APBA2: variants seen among roughly 807,000 people sequenced by gnomAD.
The protein encoded by APBA2 is amyloid-beta A4 precursor protein-binding family A member 2.
Under a neutral mutation model 75.0 loss-of-function variants are expected in APBA2, and 30 were observed. The observed-to-expected ratio is 0.40, with a 90% CI of 0.30 to 0.54. The LOEUF is 0.54. Among genes scored for constraint, APBA2 ranks in the 20% least tolerant of loss-of-function variants. APBA2 has a pLI of 0.49. For synonymous variants in APBA2, 444 were observed against 409.6 expected (o/e 1.08, Z -1.01); for missense variants, 801 against 1,016.1 (o/e 0.79, Z 2.88).
chr15:29,015,030 A>G (rs947072528), intron 3 of APBA2, among the ~76,000 whole-genome samples: 1 of 151,652 alleles, frequency 6.6e-6, no homozygotes, highest in African/African-American at 2.4e-5. Flanking sequence ...TTTGGTTTCT[A>G]ATGAGGTTGT....
chr15:28,919,840 G>A (rs1052719564), intron 1 of APBA2, among the ~76,000 whole-genome samples: 3 of 152,142 alleles, frequency 2.0e-5, no homozygotes, highest in African/African-American at 4.8e-5. Flanking sequence ...TGGAGGCCCC[G>A]TTTGTCCGTG....
At chr15:29,017,788 G>A (rs762695310) in intron 3 of APBA2, among the ~76,000 whole-genome samples, 15 of 152,112 alleles carry the variant, frequency 9.9e-5, no homozygotes, top group East Asian at 5.8e-4. Context: ...CTATTCTTTC[G>A]TCATTTCTTA....
intron 3 of APBA2, among the ~76,000 whole-genome samples, chr15:29,015,733 A>T (rs1013214054): frequency 1.3e-5 from 2 of 152,192 alleles, no homozygotes; most frequent in African/African-American, 4.8e-5. Flanking sequence ...CTCAGTGACA[A>T]CTGCATCCAA....
chr15:28,975,241 A>G (rs552999522), intron 2 of APBA2, among the ~76,000 whole-genome samples: 25 of 142,246 alleles, frequency 1.8e-4, no homozygotes, highest in South Asian at 4.5e-4. Context: ...ATTCAAATCT[A>G]TATTTTCACA....
At chr15:28,915,861 C>T (rs1595448168) in intron 1 of APBA2, among the ~76,000 whole-genome samples, 1 of 151,148 alleles carries the variant, frequency 6.6e-6, no homozygotes, top group Non-Finnish European at 1.5e-5. Context: ...CACACCACAC[C>T]CTCCAGGACA....
In APBA2 at chr15:29,118,187, TAAG is replaced by T. The variant is rs1333694475; in HGVS notation, c.*1058_*1060del. ...AGGCCTTGAAGAATACACTGTGACTTAAGAAGCCTTACCACGCAGTAACTAAAG... is the reference window on the plus strand; with the variant it reads ...AGGCCTTGAAGAATACACTGTGACTTAAGCCTTACCACGCAGTAACTAAAG... On this transcript the variant is annotated 3_prime_UTR_variant, in exon 15 of 15. Transcript: ENST00000683413. 1.2e-4 allele frequency: 18 copies of T among 152,658 alleles called. No individual in the cohort carries two copies. The highest frequency in any genetic ancestry group is 1.2e-3 in the Admixed American group (18 of 15,286). 9.5% of individuals were successfully genotyped at this position (152,658 alleles called of 1,614,324 possible).
At chr15:29,114,243 C>G (rs2044918651) in intron 14 of APBA2, among the ~76,000 whole-genome samples, 1 of 152,240 alleles carries the variant, frequency 6.6e-6, no homozygotes. Context: ...GCTGGGGGTG[C>G]TCCCTGGACA....
At chr15:29,085,906 A>C (rs904906997) in intron 6 of APBA2, among the ~76,000 whole-genome samples, 9 of 152,120 alleles carry the variant, frequency 5.9e-5, no homozygotes, top group African/African-American at 2.2e-4. Flanking sequence ...TCTATGTGGA[A>C]GGCGCCTCCT....
chr15:28,972,666 CCACCAGGCA>C (rs1271048537), intron 2 of APBA2, among the ~76,000 whole-genome samples: 1 of 152,136 alleles, frequency 6.6e-6, no homozygotes, highest in Non-Finnish European at 1.5e-5. Context: ...AATATTGTGC[CCACCAGGCA>C]CACTTAAAGA....
At chr15:29,034,568 A>G (rs2040649492) in intron 3 of APBA2, among the ~76,000 whole-genome samples, 1 of 152,192 alleles carries the variant, frequency 6.6e-6, no homozygotes, top group African/African-American at 2.4e-5. Flanking sequence ...ACATGAAATG[A>G]AAGTGTTAGG....
intron 13 of APBA2, among the ~76,000 whole-genome samples, chr15:29,111,576 G>A (rs1001714416): frequency 2.0e-5 from 3 of 152,124 alleles, no homozygotes; most frequent in Non-Finnish European, 2.9e-5. Flanking sequence ...TGAGTGGCTC[G>A]GCTGCCTGGC....
intron 4 of APBA2, chr15:29,070,868 G>A (rs1027479516): frequency 5.4e-5 from 18 of 331,002 alleles, no homozygotes; most frequent in Non-Finnish European, 1.1e-4. Flanking sequence ...GAAAACAGGA[G>A]CCGTGAAGGG....
chr15:28,903,130 A>T (rs1397602640), intron 1 of APBA2, among the ~76,000 whole-genome samples: 1 of 152,100 alleles, frequency 6.6e-6, no homozygotes, highest in Non-Finnish European at 1.5e-5. Flanking sequence ...CATGGGTCTG[A>T]TGATGCCGGC....
At chr15:29,038,076 T>G (rs139581494) in intron 3 of APBA2, among the ~76,000 whole-genome samples, 120 of 152,316 alleles carry the variant, frequency 7.9e-4, no homozygotes, top group African/African-American at 2.8e-3. Flanking sequence ...CAGTCCACTC[T>G]CTGGCTGGCA....
In APBA2 at chr15:29,074,925, G is replaced by C; in HGVS notation, c.956G>C (p.Cys319Ser). ...CTTTAACTTCCCCGTTTCCAGGTTT[G>C]CAATGGTCTGGAGCAGCCAAGGAAG... ...ERLKWPHEQVCNGLEQPRKQQ... is the reference protein window; with the variant it reads ...ERLKWPHEQVSNGLEQPRKQQ... The change falls in exon 5 of 15, where the codon TGC (cysteine) becomes TCC (serine). Residue 319 changes from cysteine to serine, a missense_variant. Cys to Ser is a moderately radical substitution (Grantham distance 112). This residue lies in a region of APBA2 where 434 missense variants were observed against 471.6 expected (regional missense o/e 0.92). Transcript: ENST00000683413. 6.2e-7 allele frequency: 1 copy of C among 1,614,084 alleles called. No homozygotes were observed. Among genetic ancestry groups the C allele is most frequent in the Non-Finnish European group, 8.5e-7 (1 of 1,179,962 alleles).
At chr15:29,114,260 T>A (rs969031500) in intron 14 of APBA2, among the ~76,000 whole-genome samples, 4 of 152,178 alleles carry the variant, frequency 2.6e-5, no homozygotes, top group African/African-American at 9.6e-5. Flanking sequence ...GACACTACTT[T>A]TGGGACTGGA....
intron 14 of APBA2, among the ~76,000 whole-genome samples, chr15:29,116,103 A>C (rs975737624): frequency 1.3e-5 from 2 of 152,082 alleles, no homozygotes; most frequent in Admixed American, 1.3e-4. Context: ...GCTCCTTCCC[A>C]GTGTCCGCAA....
chr15:29,006,387 T>A (rs577187611), intron 3 of APBA2, among the ~76,000 whole-genome samples: 4 of 152,176 alleles, frequency 2.6e-5, no homozygotes, highest in Admixed American at 6.5e-5. Flanking sequence ...TACCGAACAT[T>A]GCTGAGAGAA....
rs1409753276 is a variant in APBA2 at position 29,047,013 on chromosome 15, T to C, written c.-40-6832T>C. On this transcript the variant is annotated intron_variant, in intron 3 of 14. Transcript: ENST00000683413. ...TTCAGGCCTGCACTGGTTGCTCTCT[T>C]CTTTAACTCGCTTCAAGCCCTGCAG... Among the ~76,000 whole-genome samples, 3 of 152,188 alleles carry C rather than the reference T, an allele frequency of 2.0e-5. No homozygotes were observed. The East Asian group carries it at 5.8e-4, about 29-fold the overall frequency.
Sources: gnomAD v4.1 joint callset for allele counts (sites outside exome capture counted in the v4.1 genomes callset) on GRCh38, gnomAD v4.1.1 for gene constraint, gnomAD v4.1.1 regional missense constraint, MANE v1.5 for transcripts, NCBI Gene and HGNC (gene_info 2026-07-23, HGNC 2026-07-21) for gene names.